The following FYN variants were observed in gnomAD, a reference collection of about 807,000 sequenced individuals.
The protein encoded by FYN is tyrosine-protein kinase Fyn.
In FYN, 10 loss-of-function variants were observed where a neutral mutation model predicts 70.2. That is an observed-to-expected ratio of 0.14 (90% CI 0.09 to 0.24). FYN has a LOEUF of 0.24. Ranked by LOEUF, FYN falls within the 10% of genes least tolerant of loss-of-function variation. The pLI is 1.00. For synonymous variants in FYN, 236 were observed against 248.6 expected (o/e 0.95, Z 0.48); for missense variants, 319 against 673.1 (o/e 0.47, Z 5.82).
At chr6:111,734,354 A>G (rs542708264) in intron 3 of FYN, among the ~76,000 whole-genome samples, 1 of 152,206 alleles carries the variant, frequency 6.6e-6, no homozygotes, top group Non-Finnish European at 1.5e-5. Flanking sequence ...GAGAAGGTAC[A>G]TTATGAGAGT....
chr6:111,743,742 C>T (rs1422457661), intron 3 of FYN, among the ~76,000 whole-genome samples: 1 of 152,192 alleles, frequency 6.6e-6, no homozygotes, highest in East Asian at 1.9e-4. Flanking sequence ...CCAATGGTAA[C>T]TTTGCTCCAA....
At chr6:111,726,879 T>C (rs928919798) in intron 3 of FYN, among the ~76,000 whole-genome samples, 2 of 152,190 alleles carry the variant, frequency 1.3e-5, no homozygotes, top group Non-Finnish European at 2.9e-5. Context: ...GTTGGTTTTA[T>C]AAGCATCTGG....
At chr6:111,834,605 C>A (rs142947181) in intron 2 of FYN, among the ~76,000 whole-genome samples, 1 of 152,186 alleles carries the variant, frequency 6.6e-6, no homozygotes, top group Non-Finnish European at 1.5e-5. Flanking sequence ...CAGGGATGTA[C>A]AGAAGGTGGT....
At chr6:111,737,390 G>A (rs554793029) in intron 3 of FYN, among the ~76,000 whole-genome samples, 6 of 152,234 alleles carry the variant, frequency 3.9e-5, no homozygotes, top group African/African-American at 9.6e-5. Context: ...GCTATAAATC[G>A]GGATCTCCAC....
chr6:111,673,675 G>A (rs900379495), intron 13 of FYN, among the ~76,000 whole-genome samples: 1 of 147,894 alleles, frequency 6.8e-6, no homozygotes, highest in African/African-American at 2.5e-5. Flanking sequence ...GGAATGAGGG[G>A]GAGCTATGTT....
intron 13 of FYN, 88 bp from the exon 14 acceptor site, chr6:111,662,035 G>T: frequency 9.0e-7 from 1 of 1,113,320 alleles, no homozygotes; most frequent in Non-Finnish European, 1.3e-6. Flanking sequence ...TCTTCTTTGC[G>T]TCTGCATGTG....
At chr6:111,708,375 G>A (rs1054586804) in intron 5 of FYN, 4 of 264,848 alleles carry the variant, frequency 1.5e-5, no homozygotes, top group African/African-American at 8.6e-5. Flanking sequence ...GAACATGTTA[G>A]CTGCAGATCA....
chr6:111,773,489 GAGA>G, intron 3 of FYN, among the ~76,000 whole-genome samples: 1 of 98,408 alleles, frequency 1.0e-5, no homozygotes, highest in African/African-American at 4.2e-5. Flanking sequence ...GAGGGAGAGG[GAGA>G]GGGAGAGCGG....
intron 2 of FYN, among the ~76,000 whole-genome samples, chr6:111,801,073 A>G (rs1390891187): frequency 6.6e-6 from 1 of 152,240 alleles, no homozygotes; most frequent in African/African-American, 2.4e-5. Flanking sequence ...ATTAAGGATT[A>G]GATGCACAGT....
At chr6:111,718,361 CTG>C (rs1199688353) in intron 4 of FYN, among the ~76,000 whole-genome samples, 1 of 152,204 alleles carries the variant, frequency 6.6e-6, no homozygotes, top group Non-Finnish European at 1.5e-5. Flanking sequence ...TTTGGGAGTA[CTG>C]TGTTTTAACT....
chr6:111,863,301 G>C (rs1374193608), intron 1 of FYN, among the ~76,000 whole-genome samples: 1 of 152,208 alleles, frequency 6.6e-6, no homozygotes, highest in African/African-American at 2.4e-5. Context: ...GCATGTATGT[G>C]CCTAGGTACA....
Position 111,785,634 on chromosome 6 carries a change from T to C in FYN, c.-81-4999A>G, listed in dbSNP as rs112264679. ...AGAGACTTGCCCAAGTTCTTATTAGTGGGTGGCAAAGACAGGAATTTTTTT... is the reference window on the plus strand; with the variant it reads ...AGAGACTTGCCCAAGTTCTTATTAGCGGGTGGCAAAGACAGGAATTTTTTT... On this transcript the variant is annotated intron_variant, in intron 2 of 13. Coordinates refer to ENST00000354650, the MANE Select transcript of FYN (RefSeq NM_002037.5). 2.6e-3 allele frequency among the ~76,000 whole-genome samples: 396 copies of C among 152,202 alleles called. 4 individuals carry two copies. The highest frequency in any genetic ancestry group is 8.9e-3 in the African/African-American group (368 of 41,522).
Position 111,707,910 on chromosome 6 carries a change from A to G in FYN, c.443+12T>C. 1.2e-6 allele frequency: 2 copies of G among 1,602,918 alleles called. No homozygotes were observed. Among genetic ancestry groups the G allele is most frequent in the South Asian group, 2.2e-5 (2 of 90,836 alleles). ...AAATCAAGTAGTTAAGTGAAAACAAAATGAAACATACTCTTCTGCCTGGAT... is the reference window on the plus strand; with the variant it reads ...AAATCAAGTAGTTAAGTGAAAACAAGATGAAACATACTCTTCTGCCTGGAT... On this transcript the variant is annotated intron_variant, in intron 6 of 13. Coordinates refer to ENST00000354650, the MANE Select transcript of FYN (RefSeq NM_002037.5).
intron 3 of FYN, among the ~76,000 whole-genome samples, chr6:111,751,196 C>T (rs928840520): frequency 7.9e-5 from 12 of 152,170 alleles, no homozygotes; most frequent in Non-Finnish European, 1.2e-4. Context: ...AAACATAACA[C>T]GCATTAGTCC....
At chr6:111,829,072 T>G (rs919006178) in intron 2 of FYN, among the ~76,000 whole-genome samples, 1 of 152,246 alleles carries the variant, frequency 6.6e-6, no homozygotes, top group Admixed American at 6.5e-5. Context: ...CTGGGACCAA[T>G]GTGCTTCAGA....
chr6:111,679,913 A>C (rs1798713851), intron 12 of FYN, among the ~76,000 whole-genome samples: 1 of 152,158 alleles, frequency 6.6e-6, no homozygotes, highest in African/African-American at 2.4e-5. Flanking sequence ...TAGTTACAAC[A>C]GCAGAAAGAC....
chr6:111,700,432 C>T (rs1411362553), intron 8 of FYN, among the ~76,000 whole-genome samples, 164 bp from the exon 9 acceptor site: 8 of 152,132 alleles, frequency 5.3e-5, no homozygotes, highest in East Asian at 3.9e-4. Flanking sequence ...CAGCACACAG[C>T]GCTCCTTAAA....
intron 2 of FYN, among the ~76,000 whole-genome samples, chr6:111,821,981 C>T (rs1409615074): frequency 6.6e-6 from 1 of 152,086 alleles, no homozygotes; most frequent in East Asian, 1.9e-4. Flanking sequence ...CAGGAAAGAA[C>T]AGGTGCTGGA....
intron 2 of FYN, among the ~76,000 whole-genome samples, chr6:111,791,571 C>T (rs976922771): frequency 3.3e-5 from 5 of 152,108 alleles, no homozygotes; most frequent in African/African-American, 1.2e-4. Context: ...GGGAAGACGG[C>T]CATGTGGCCA....
Sources: gnomAD v4.1 joint callset for allele counts (sites outside exome capture counted in the v4.1 genomes callset) on GRCh38, gnomAD v4.1.1 for gene constraint, MANE v1.5 for transcripts, NCBI Gene and HGNC (gene_info 2026-07-23, HGNC 2026-07-21) for gene names.